GANC: variants seen among roughly 807,000 people sequenced by gnomAD.
GANC encodes the protein neutral alpha-glucosidase C.
GANC carries 117 observed loss-of-function variants against 124.2 expected under a neutral mutation model. The observed-to-expected ratio is 0.94, with a 90% CI of 0.81 to 1.10. GANC has a LOEUF of 1.10. Ranked by LOEUF, GANC falls within the 50% of genes least tolerant of loss-of-function variation. The pLI, the probability that GANC is intolerant of heterozygous loss-of-function variation, is 0.00. For missense variants in GANC, 1,140 were observed against 1,095.0 expected, an observed-to-expected ratio of 1.04 and a Z score of -0.58; for synonymous variants, 377 against 376.8, an observed-to-expected ratio of 1.00 and a Z score of -0.01.
intron 15 of GANC, 63 bp downstream of exon 15, chr15:42,330,735 G>T (rs2141065123): frequency 9.8e-6 from 9 of 914,482 alleles, no homozygotes; most frequent in South Asian, 1.4e-5. Context: ...ACCATTTATA[G>T]AATGTGATGT....
intron 15 of GANC, among the ~76,000 whole-genome samples, chr15:42,335,088 G>A (rs1333371823): frequency 6.6e-6 from 1 of 152,068 alleles, no homozygotes; most frequent in African/African-American, 2.4e-5. Context: ...AAAAATTGAG[G>A]AGGAAAGACT....
chr15:42,326,371 G>T lies in GANC; in HGVS notation c.1367G>T (p.Gly456Val), dbSNP rs2052198714. 6.2e-6 allele frequency: 10 copies of T among 1,613,980 alleles called. No individual in the cohort carries two copies. Among genetic ancestry groups the T allele is most frequent in the Non-Finnish European group, 8.5e-6 (10 of 1,180,002 alleles). The change falls in exon 12 of 24, where the codon GGC becomes GTC. Residue 456 changes from glycine to valine, a missense_variant. By Grantham distance (109) the Gly-to-Val change is moderately radical. Coordinates refer to ENST00000318010, the MANE Select transcript of GANC (RefSeq NM_198141.3). ...YSVYVKAKDQ[G>V]FFVKNQEGED... ...GTATATGTGAAGGCCAAAGATCAGG[G>T]CTTCTTTGTGAAGAATCAGGAAGGG...
chr15:42,345,764 T>C lies in GANC; in HGVS notation c.2236T>C (p.Tyr746His). 6.2e-7 allele frequency: 1 copy of C among 1,609,108 alleles called. No individual in the cohort carries two copies. Among genetic ancestry groups the C allele is most frequent in the South Asian group, 1.1e-5 (1 of 90,780 alleles). The change falls in exon 20 of 24, where the codon TAT becomes CAT. Residue 746 changes from tyrosine to histidine, a missense_variant. Transcript: ENST00000318010. ...VFLPGSNEVW[Y>H]DYKTFAHWEG... The stretch of plus-strand genomic sequence containing the variant: ...GGACTCTGTTACTTTCTAGGTCTGG[T>C]ATGACTATAAGACATTTGCTCATTG...
At position 42,287,682 on chromosome 15, in the gene GANC, T is replaced by A. The variant is rs1487113424; in HGVS notation, c.202-9T>A. 6.2e-7 allele frequency: 1 copy of A among 1,609,232 alleles called. No individual in the cohort carries two copies. Among genetic ancestry groups the A allele is most frequent in the South Asian group, 1.1e-5 (1 of 90,358 alleles). On this transcript the variant is annotated splice_polypyrimidine_tract_variant and intron_variant, in intron 3 of 23. Transcript: ENST00000318010. ...CCTGTTGAAGGTAATCTCTTGTATC[T>A]GTTTCCAGGTTCCTCTCCTGGCTGA...
chr15:42,297,722 G>T, intron 6 of GANC, 66 bp downstream of exon 6: 1 of 1,174,800 alleles, frequency 8.5e-7, no homozygotes, highest in South Asian at 1.4e-5. Flanking sequence ...GGCATATAAG[G>T]AATTCTCTTT....
At chr15:42,341,622 G>A (rs1394488586) in intron 18 of GANC, among the ~76,000 whole-genome samples, 1 of 151,638 alleles carries the variant, frequency 6.6e-6, no homozygotes, top group African/African-American at 2.4e-5. Flanking sequence ...GGAGTGCAGT[G>A]GTGTAATCTT....
At chr15:42,313,496 T>A (rs559779583) in intron 10 of GANC, among the ~76,000 whole-genome samples, 1 of 152,228 alleles carries the variant, frequency 6.6e-6, no homozygotes. Flanking sequence ...TATGGGTCTC[T>A]TATCCAGAAT....
chr15:42,353,651 A>G lies in GANC; in HGVS notation c.*1512A>G. ...GCTGGTGGATTTAATTGATTAAAAA[A>G]TTACGATTGAATGTATTTCCATCTG... is the stretch of plus-strand genomic sequence containing the variant. On this transcript the variant is annotated 3_prime_UTR_variant, in exon 24 of 24. Coordinates refer to ENST00000318010, the MANE Select transcript of GANC (RefSeq NM_198141.3). The G allele has an allele frequency of 2.0e-6, 2 of 985,590 alleles. No individual in the cohort carries two copies. The highest frequency in any genetic ancestry group is 2.4e-6 in the Non-Finnish European group (2 of 829,818). The allele number at this position is 985,590 out of a possible 1,614,324, so 61.1% of individuals were successfully genotyped here.
chr15:42,319,488 G>A (rs913735027), intron 10 of GANC, among the ~76,000 whole-genome samples: 2 of 149,858 alleles, frequency 1.3e-5, no homozygotes, highest in Non-Finnish European at 3.0e-5. Flanking sequence ...GGGACTGTGG[G>A]CATGTGCTAC....
intron 22 of GANC, 41 bp downstream of exon 22, chr15:42,349,536 T>A (rs1231124272): frequency 2.6e-6 from 3 of 1,152,560 alleles, no homozygotes; most frequent in South Asian, 2.5e-5. Flanking sequence ...CTTAAGTAAA[T>A]CACACTATCC....
chr15:42,300,104 A>C (rs1023750827), intron 6 of GANC, among the ~76,000 whole-genome samples: 15 of 152,218 alleles, frequency 9.9e-5, no homozygotes, highest in Admixed American at 1.3e-4. Flanking sequence ...AAAAACCAAA[A>C]TTGACAGATG....
At chr15:42,294,182 G>C (rs940117251) in intron 5 of GANC, among the ~76,000 whole-genome samples, 1 of 151,426 alleles carries the variant, frequency 6.6e-6, no homozygotes, top group Admixed American at 6.6e-5. Context: ...GAGGCACATG[G>C]TACAAAGGAG....
chr15:42,312,465 A>G (rs1300396310), intron 10 of GANC, among the ~76,000 whole-genome samples: 1 of 152,248 alleles, frequency 6.6e-6, no homozygotes, highest in Non-Finnish European at 1.5e-5. Context: ...AGAAGATGTG[A>G]CATGCTCCTC....
At chr15:42,310,032 G>A (rs890574341) in intron 8 of GANC, among the ~76,000 whole-genome samples, 20 of 151,896 alleles carry the variant, frequency 1.3e-4, no homozygotes, top group African/African-American at 4.8e-4. Flanking sequence ...AAAAGAAAAA[G>A]GAGATATTTA....
chr15:42,343,237 A>T (rs1465296265), intron 19 of GANC, 83 bp downstream of exon 19: 2 of 1,265,048 alleles, frequency 1.6e-6, no homozygotes, highest in Non-Finnish European at 2.3e-6. Context: ...TTTCTTCATC[A>T]TGTGTTTGTG....
chr15:42,309,125 C>G (rs1160891124), intron 8 of GANC, among the ~76,000 whole-genome samples: 1 of 152,092 alleles, frequency 6.6e-6, no homozygotes, highest in Non-Finnish European at 1.5e-5. Context: ...AGGCATCAGA[C>G]TAAGAGGAAA....
intron 1 of GANC, 22 bp from the exon 2 acceptor site, chr15:42,276,326 C>T (rs2051670897): frequency 1.7e-6 from 2 of 1,173,446 alleles, no homozygotes; most frequent in African/African-American, 1.5e-5. Flanking sequence ...AAATAAATTT[C>T]TCAAAATGTC....
At chr15:42,309,586 G>T (rs1271090736) in intron 8 of GANC, among the ~76,000 whole-genome samples, 1 of 151,800 alleles carries the variant, frequency 6.6e-6, no homozygotes, top group Non-Finnish European at 1.5e-5. Context: ...CCAAAATGCT[G>T]GGATTACAGG....
chr15:42,277,522 C>T (rs1006868559), intron 2 of GANC, among the ~76,000 whole-genome samples: 18 of 150,158 alleles, frequency 1.2e-4, no homozygotes, highest in African/African-American at 3.9e-4. Context: ...AAGAGTGAAA[C>T]TCCGTCTAAA....
Sources: gnomAD v4.1 joint callset for allele counts (sites outside exome capture counted in the v4.1 genomes callset) on GRCh38, gnomAD v4.1.1 for gene constraint, MANE v1.5 for transcripts, NCBI Gene and HGNC (gene_info 2026-07-23, HGNC 2026-07-21) for gene names.